Variants in PDE4D observed in about 807,000 individuals in gnomAD.
The protein encoded by PDE4D is 3',5'-cyclic-AMP phosphodiesterase 4D.
Under a neutral mutation model 87.4 loss-of-function variants are expected in PDE4D, and 24 were observed. The observed-to-expected ratio is 0.27, with a 90% confidence interval of 0.20 to 0.39. PDE4D has a LOEUF of 0.39. Among genes scored for constraint, PDE4D ranks in the 10% least tolerant of loss-of-function variants. The pLI is 1.00. For missense variants in PDE4D, 714 were observed against 1,041.0 expected, an observed-to-expected ratio of 0.69 and a Z score of 4.32; for synonymous variants, 384 against 383.2, an observed-to-expected ratio of 1.00 and a Z score of -0.02.
intron 2 of PDE4D, among the ~76,000 whole-genome samples, chr5:60,067,688 C>T (rs925018535): frequency 3.0e-4 from 46 of 152,150 alleles, no homozygotes; most frequent in Admixed American, 1.9e-3. Flanking sequence ...TGAAACTTTA[C>T]GCCCATTGTT....
chr5:59,742,014 G>T (rs1758911058), intron 1 of PDE4D, among the ~76,000 whole-genome samples: 2 of 152,070 alleles, frequency 1.3e-5, no homozygotes, highest in South Asian at 2.1e-4. Context: ...TATTACTGTT[G>T]TTGTTACTGA....
chr5:59,762,350 A>ATATATGTGTATATGGGTACACATGTG (rs1762136930), intron 1 of PDE4D, among the ~76,000 whole-genome samples: 16 of 61,092 alleles, frequency 2.6e-4, no homozygotes, highest in African/African-American at 7.9e-4. Context: ...ACACATATGC[A>ATATATGTGTATATGGGTACACATGTG]TATATGTGTA....
chr5:60,516,468 T>G (rs1750806417), intron 1 of PDE4D, among the ~76,000 whole-genome samples: 1 of 152,170 alleles, frequency 6.6e-6, no homozygotes, highest in African/African-American at 2.4e-5. Flanking sequence ...CTCCCATCTC[T>G]CTGGTTCAGG....
chr5:60,066,504 T>C (rs1047980835), intron 2 of PDE4D, among the ~76,000 whole-genome samples: 2 of 151,908 alleles, frequency 1.3e-5, no homozygotes. Context: ...AATAATCAAT[T>C]TGGGGTCTAG....
intron 5 of PDE4D, among the ~76,000 whole-genome samples, chr5:59,169,970 C>T (rs1212729882): frequency 6.6e-6 from 1 of 152,124 alleles, no homozygotes; most frequent in Non-Finnish European, 1.5e-5. Flanking sequence ...AAACTCAGGG[C>T]AGCGGGGAAG....
intron 5 of PDE4D, among the ~76,000 whole-genome samples, chr5:59,149,523 C>T (rs1779148719): frequency 6.6e-6 from 1 of 151,960 alleles, no homozygotes; most frequent in South Asian, 2.1e-4. Flanking sequence ...CAAGTTACAG[C>T]CTAAGGACAA....
At chr5:59,097,002 T>A (rs56658018) in intron 5 of PDE4D, among the ~76,000 whole-genome samples, 18 of 152,136 alleles carry the variant, frequency 1.2e-4, no homozygotes, top group Non-Finnish European at 2.4e-4. Flanking sequence ...CTAGGGAGTA[T>A]TCTCAAAGGA....
At chr5:59,017,056 T>C (rs942899363) in intron 6 of PDE4D, among the ~76,000 whole-genome samples, 6 of 152,058 alleles carry the variant, frequency 3.9e-5, no homozygotes, top group African/African-American at 1.2e-4. Flanking sequence ...GCCAACCAGA[T>C]TTGGGGCACA....
Position 60,179,406 on chromosome 5 carries a change from T to C in PDE4D, c.42+6151A>G, listed in dbSNP as rs371474198. Among the ~76,000 whole-genome samples the C allele has an allele frequency of 3.7e-4, 57 of 152,290 alleles. 1 individual carries two copies. Among genetic ancestry groups the C allele is most frequent in the Middle Eastern group, 3.4e-3 (1 of 294 alleles). ...AGGAAAGCTTTAAGACTTAAAGGTTTTGGCGCAGAAGTATTGAACACAATT... is the reference window on the plus strand; with the variant it reads ...AGGAAAGCTTTAAGACTTAAAGGTTCTGGCGCAGAAGTATTGAACACAATT... On this transcript the variant is annotated intron_variant, in intron 2 of 16. Transcript: ENST00000502484.
At chr5:59,716,569 C>G (rs779486973) in intron 1 of PDE4D, among the ~76,000 whole-genome samples, 13 of 152,178 alleles carry the variant, frequency 8.5e-5, no homozygotes, top group Non-Finnish European at 1.5e-4. Context: ...ACTTTAAGAT[C>G]CAGCAATTCA....
At chr5:59,344,792 T>TA (rs1779358143) in intron 1 of PDE4D, among the ~76,000 whole-genome samples, 1 of 152,212 alleles carries the variant, frequency 6.6e-6, no homozygotes, top group Non-Finnish European at 1.5e-5. Flanking sequence ...ATACGTTTGA[T>TA]ATTGCTCTAA....
chr5:59,853,658 C>T (rs2152721227), intron 1 of PDE4D, among the ~76,000 whole-genome samples: 1 of 152,010 alleles, frequency 6.6e-6, no homozygotes, highest in East Asian at 1.9e-4. Flanking sequence ...TAAATGTATG[C>T]TCAATGTTAA....
intron 5 of PDE4D, among the ~76,000 whole-genome samples, chr5:59,086,238 C>T (rs1020444520): frequency 6.6e-5 from 10 of 152,122 alleles, no homozygotes; most frequent in African/African-American, 2.4e-4. Context: ...CAAGCTCTGG[C>T]TTCTTGTATA....
intron 1 of PDE4D, among the ~76,000 whole-genome samples, chr5:59,541,123 C>T (rs940515920): frequency 6.6e-6 from 1 of 152,102 alleles, no homozygotes; most frequent in Non-Finnish European, 1.5e-5. Flanking sequence ...CATCAGTTCC[C>T]ATCCTCTACT....
intron 1 of PDE4D, among the ~76,000 whole-genome samples, chr5:60,232,606 C>A: frequency 6.6e-6 from 1 of 151,850 alleles, no homozygotes; most frequent in East Asian, 1.9e-4. Context: ...AGATGTTTCT[C>A]AATAACTTGT....
At chr5:59,507,536 A>G (rs1809480269) in intron 1 of PDE4D, among the ~76,000 whole-genome samples, 1 of 149,996 alleles carries the variant, frequency 6.7e-6, no homozygotes. Context: ...GTGGTGTCAT[A>G]TGTCTGTAGT....
At chr5:59,338,280 T>C (rs1387557796) in intron 1 of PDE4D, among the ~76,000 whole-genome samples, 1 of 152,196 alleles carries the variant, frequency 6.6e-6, no homozygotes, top group Admixed American at 6.5e-5. Context: ...TCATGCTATA[T>C]GGCACAGCAG....
chr5:59,038,763 C>G, intron 6 of PDE4D, 96 bp downstream of exon 6: 92 of 1,182,416 alleles, frequency 7.8e-5, no homozygotes, highest in Non-Finnish European at 9.2e-5. Context: ...CCTAAAAAAC[C>G]TCTCAATTTA....
intron 1 of PDE4D, among the ~76,000 whole-genome samples, chr5:59,702,869 CA>C (rs71604798): frequency 0.017 from 1,199 of 69,738 alleles, 12 homozygotes; most frequent in East Asian, 0.057. Context: ...GACCCTGTCT[CA>C]AAAAAAAAAA....
Sources: allele counts gnomAD v4.1 joint callset (sites outside exome capture counted in the v4.1 genomes callset), GRCh38; gene constraint gnomAD v4.1.1; transcripts MANE v1.5; gene names NCBI Gene and HGNC (gene_info 2026-07-23, HGNC 2026-07-21).